The following MACF1 variants were observed in gnomAD, a reference collection of about 807,000 sequenced individuals.
MACF1 encodes the protein microtubule actin crosslinking factor 1.
MACF1 carries 193 observed loss-of-function variants against 854.8 expected under a neutral mutation model. That is an observed-to-expected ratio of 0.23 (90% CI 0.20 to 0.25). The LOEUF is 0.25. Ranked by LOEUF, MACF1 falls within the 10% of genes least tolerant of loss-of-function variation. The pLI is 1.00. For missense variants in MACF1, 7,722 were observed against 8,929.1 expected (o/e 0.86, Z 5.45); for synonymous variants, 3,185 against 3,226.7 (o/e 0.99, Z 0.44).
chr1:39,373,186 G>GT (rs1484257201), intron 52 of MACF1: 3 of 153,640 alleles, frequency 2.0e-5, no homozygotes, highest in African/African-American at 7.3e-5. Flanking sequence ...GGTGCCTGTA[G>GT]TCCCAGCTAC....
At chr1:39,293,011 A>G (rs1645827219) in intron 17 of MACF1, among the ~76,000 whole-genome samples, 168 bp downstream of exon 17, 1 of 152,176 alleles carries the variant, frequency 6.6e-6, no homozygotes, top group Non-Finnish European at 1.5e-5. Flanking sequence ...ACATTTTCCC[A>G]ATTTTCTAAA....
chr1:39,218,335 A>C (rs537155655), intron 1 of MACF1, among the ~76,000 whole-genome samples: 25 of 152,294 alleles, frequency 1.6e-4, no homozygotes, highest in African/African-American at 6.0e-4. Context: ...CAAATGCCTA[A>C]TTTTATAGAT....
intron 93 of MACF1, 137 bp from the exon 94 acceptor site, chr1:39,463,475 A>G (rs377319954): frequency 1.8e-6 from 1 of 566,126 alleles, no homozygotes; most frequent in East Asian, 3.4e-5. Context: ...GGGCAACAAG[A>G]GCGAAACTCC....
intron 1 of MACF1, among the ~76,000 whole-genome samples, chr1:39,214,018 T>C (rs1644547103): frequency 6.6e-6 from 1 of 152,182 alleles, no homozygotes; most frequent in African/African-American, 2.4e-5. Context: ...CTAGGAAAGC[T>C]TGCATTTACT....
rs1646573783 is a variant in MACF1 at position 39,324,523 on chromosome 1, T to C, written c.4390-123T>C. ...GTACCTTTTTATCAGCTGTAGCTCATTGGTGATAATAATTTGACCTAAGCT... is the reference window on the plus strand; with the variant it reads ...GTACCTTTTTATCAGCTGTAGCTCACTGGTGATAATAATTTGACCTAAGCT... On this transcript the variant is annotated intron_variant, in intron 34 of 100. Transcript: ENST00000564288. 4 of 1,029,648 alleles carry C rather than the reference T, an allele frequency of 3.9e-6. No homozygotes were observed. In the African/African-American group the frequency reaches 6.5e-5, roughly 17 times the overall value. 63.8% of individuals were successfully genotyped at this position (1,029,648 alleles called of 1,614,324 possible).
Position 39,331,934 on chromosome 1 carries a change from C to G in MACF1, c.5346C>G (p.His1782Gln). The change falls in exon 37 of 101, where the codon CAC becomes CAG. Residue 1782 changes from histidine to glutamine, a missense_variant. His to Gln is a conservative substitution (Grantham distance 24, BLOSUM62 0). Coordinates refer to ENST00000564288, the MANE Select transcript of MACF1 (RefSeq NM_001394062.1). ...GCATAGTAGATCCAAGAACAGGACA[C>G]AGACTTACAGTGGAAGAGGCTGTAA... Reference protein sequence around the residue: ...AGGIVDPRTGHRLTVEEAVRH... With the variant: ...AGGIVDPRTGQRLTVEEAVRH... 2 of 1,614,116 alleles carry G rather than the reference C, an allele frequency of 1.2e-6. No individual in the cohort carries two copies. The highest frequency in any genetic ancestry group is 1.7e-6 in the Non-Finnish European group (2 of 1,180,018).
At position 39,337,289 on chromosome 1, in the gene MACF1, G is replaced by A; in HGVS notation, c.10173G>A (p.Glu3391=). Residue 3391 remains glutamate, a synonymous_variant, in exon 38 of 101, where the codon GAG becomes GAA. Transcript: ENST00000564288. ...GGACCAAACAGATTCAACCTTTGGA[G>A]CTAAACCTGGCAGAACTACAGGATC... ...EMRTKQIQPL[E]LNLAELQDLL... 1 of 1,614,100 alleles carries A rather than the reference G, an allele frequency of 6.2e-7. No homozygotes were observed. Among genetic ancestry groups the A allele is most frequent in the Non-Finnish European group, 8.5e-7 (1 of 1,179,990 alleles).
chr1:39,119,872 C>CTT (rs571383832), intron 2 of MACF1, among the ~76,000 whole-genome samples: 36 of 65,548 alleles, frequency 5.5e-4, no homozygotes, highest in African/African-American at 1.3e-3. Flanking sequence ...AATAAAGCCT[C>CTT]TTTTTTTTTT....
intron 6 of MACF1, among the ~76,000 whole-genome samples, chr1:39,262,388 A>G (rs557034982): frequency 6.2e-5 from 6 of 96,552 alleles, no homozygotes; most frequent in Non-Finnish European, 1.1e-4. Flanking sequence ...GCTACACGAG[A>G]CTCCATCACA....
Position 39,126,023 on chromosome 1 carries a change from A to G in MACF1, c.220+41585A>G, listed in dbSNP as rs181169954. 7.4e-4 allele frequency among the ~76,000 whole-genome samples: 112 copies of G among 152,348 alleles called. 1 individual carries two copies. The highest frequency in any genetic ancestry group is 2.7e-3 in the African/African-American group (111 of 41,582). ...AAACAAAGCAAACGACAGCAAAAAC[A>G]TATAATTTATGACAGGATAAATGCC... is the stretch of plus-strand genomic sequence containing the variant. On this transcript the variant is annotated intron_variant, in intron 2 of 93. Coordinates refer to the MACF1 transcript ENST00000361689.
intron 2 of MACF1, among the ~76,000 whole-genome samples, chr1:39,134,767 A>AT (rs756096895): frequency 5.9e-5 from 9 of 152,110 alleles, no homozygotes; most frequent in Non-Finnish European, 1.3e-4. Context: ...AATACGCTTG[A>AT]TTTTTTTATG....
intron 31 of MACF1, among the ~76,000 whole-genome samples, chr1:39,321,257 G>A (rs1374472899): frequency 6.6e-6 from 1 of 152,176 alleles, no homozygotes; most frequent in African/African-American, 2.4e-5. Flanking sequence ...CTATGTTTCT[G>A]TTACTGTATC....
At chr1:39,292,688 T>G in intron 16 of MACF1, 78 bp from the exon 17 acceptor site, 1 of 994,252 alleles carries the variant, frequency 1.0e-6, no homozygotes, top group South Asian at 1.5e-5. Context: ...AGACATAATA[T>G]TTGCATAGTT....
chr1:39,172,045 T>TC (rs35737206), intron 2 of MACF1, among the ~76,000 whole-genome samples: 1 of 152,252 alleles, frequency 6.6e-6, no homozygotes, highest in East Asian at 1.9e-4. Flanking sequence ...GGTGGAAACC[T>TC]CCCTGAGTGT....
chr1:39,463,112 A>G (rs1644586352), intron 93 of MACF1, among the ~76,000 whole-genome samples: 2 of 152,252 alleles, frequency 1.3e-5, no homozygotes, highest in Non-Finnish European at 2.9e-5. Flanking sequence ...CAGTGTCTCA[A>G]TTAGTTCACT....
In MACF1 at chr1:39,379,414, A is replaced by G; in HGVS notation, c.13488A>G (p.Glu4496=). 1 of 1,614,032 alleles carries G rather than the reference A, an allele frequency of 6.2e-7. No individual in the cohort carries two copies. Among genetic ancestry groups the G allele is most frequent in the Non-Finnish European group, 8.5e-7 (1 of 1,179,970 alleles). The part of the protein sequence containing the change: ...MDAMSSPTKT[E]TVKAQAESNK... ...CCATGTCATCTCCAACCAAGACAGA[A>G]ACAGTGAAAGCCCAAGCTGAATCTA... is the stretch of plus-strand genomic sequence containing the variant. Residue 4496 remains glutamate, a synonymous_variant, in exon 54 of 101, where the codon GAA becomes GAG. Transcript: ENST00000564288.
At chr1:39,437,738 G>T in intron 70 of MACF1, 39 bp from the exon 71 acceptor site, 1 of 1,371,856 alleles carries the variant, frequency 7.3e-7, no homozygotes. Context: ...GAAGAGTGAT[G>T]AGGTATGCTG....
rs201145169 is a variant in MACF1, at chr1:39,471,822, A to T, written c.21958+2207A>T. ...AAAGACACATTTTGAAATAGAACTC[A>T]TTTTTTTTTTCAGATTGTTATACAG... On this transcript the variant is annotated intron_variant, in intron 97 of 100. Coordinates refer to ENST00000564288, the MANE Select transcript of MACF1 (RefSeq NM_001394062.1). 3.0e-4 allele frequency among the ~76,000 whole-genome samples: 45 copies of T among 149,946 alleles called. No individual in the cohort carries two copies. The East Asian group carries it at 5.5e-3, about 18-fold the overall frequency.
chr1:39,482,506 GTTTT>G (rs1197679947), intron 99 of MACF1, among the ~76,000 whole-genome samples: 1 of 144,802 alleles, frequency 6.9e-6, no homozygotes, highest in Non-Finnish European at 1.6e-5. Flanking sequence ...TGTTTTGGGG[GTTTT>G]TTTGTTTGTT....
Sources: gnomAD v4.1 joint callset for allele counts (sites outside exome capture counted in the v4.1 genomes callset) on GRCh38, gnomAD v4.1.1 for gene constraint, MANE v1.5 for transcripts, NCBI Gene and HGNC (gene_info 2026-07-23, HGNC 2026-07-21) for gene names.